SEMA3C: variants seen among roughly 807,000 people sequenced by gnomAD.
The protein encoded by SEMA3C is semaphorin-3C.
In SEMA3C, 47 loss-of-function variants were observed where a neutral mutation model predicts 89.4. The observed-to-expected ratio is 0.53, with a 90% CI of 0.42 to 0.67. SEMA3C has a LOEUF of 0.67. Among genes scored for constraint, SEMA3C ranks in the 30% least tolerant of loss-of-function variants. The pLI is 0.00. For missense variants in SEMA3C, 839 were observed against 929.1 expected (o/e 0.90, Z 1.26); for synonymous variants, 310 against 320.2 (o/e 0.97, Z 0.34).
intron 4 of SEMA3C, among the ~76,000 whole-genome samples, chr7:80,824,032 A>G (rs1191488675): frequency 2.0e-5 from 3 of 152,180 alleles, no homozygotes; most frequent in African/African-American, 7.2e-5. Context: ...ATGCTGTATT[A>G]CTACCTAAGA....
intron 2 of SEMA3C, among the ~76,000 whole-genome samples, chr7:80,890,775 G>T (rs926825546): frequency 2.0e-5 from 3 of 152,150 alleles, no homozygotes; most frequent in Admixed American, 6.5e-5. Flanking sequence ...GATATTATTT[G>T]CATATTATCA....
At position 80,792,375 on chromosome 7, in the gene SEMA3C, A is replaced by G. The variant is rs116750318; in HGVS notation, c.1132-2847T>C. 2.8e-3 allele frequency among the ~76,000 whole-genome samples: 422 copies of G among 152,376 alleles called. 4 individuals carry two copies. Among genetic ancestry groups the G allele is most frequent in the African/African-American group, 9.6e-3 (398 of 41,594 alleles). On this transcript the variant is annotated intron_variant, in intron 11 of 17. Transcript: ENST00000265361. ...GTAATTTAAATAGTTCCAGAACTTTATAAAACACCGCTAATGATGGCTTGC... is the reference window on the plus strand; with the variant it reads ...GTAATTTAAATAGTTCCAGAACTTTGTAAAACACCGCTAATGATGGCTTGC...
intron 2 of SEMA3C, among the ~76,000 whole-genome samples, chr7:80,857,682 C>T (rs1790673271): frequency 6.6e-6 from 1 of 152,080 alleles, no homozygotes; most frequent in Non-Finnish European, 1.5e-5. Flanking sequence ...GCACAGTCAG[C>T]TATTTCATTT....
At chr7:80,819,171 C>T (rs890798336) in intron 4 of SEMA3C, among the ~76,000 whole-genome samples, 1 of 152,158 alleles carries the variant, frequency 6.6e-6, no homozygotes, top group East Asian at 1.9e-4. Context: ...CTTTGCTATA[C>T]ATTTTCCTTT....
chr7:80,831,587 G>C (rs964951279), intron 2 of SEMA3C, among the ~76,000 whole-genome samples: 1 of 151,992 alleles, frequency 6.6e-6, no homozygotes, highest in Non-Finnish European at 1.5e-5. Flanking sequence ...AATTAATCAG[G>C]AGAACACAAT....
chr7:80,803,927 C>A (rs905796644), intron 8 of SEMA3C, among the ~76,000 whole-genome samples, 179 bp downstream of exon 8: 2 of 151,680 alleles, frequency 1.3e-5, no homozygotes, highest in African/African-American at 4.8e-5. Context: ...GGGTTATAAA[C>A]ACTATATTCA....
chr7:80,768,083 A>T (rs1788343509), intron 12 of SEMA3C, among the ~76,000 whole-genome samples: 1 of 152,246 alleles, frequency 6.6e-6, no homozygotes, highest in Non-Finnish European at 1.5e-5. Context: ...GAAGTTGCAA[A>T]GCATACTCTG....
chr7:80,890,932 T>A lies in SEMA3C; in HGVS notation c.103+25747A>T, dbSNP rs182760497. Among the ~76,000 whole-genome samples, 25 of 152,290 alleles carry A rather than the reference T, an allele frequency of 1.6e-4. 2 individuals are homozygous for A. In the East Asian group the frequency reaches 4.6e-3, roughly 28 times the overall value. On this transcript the variant is annotated intron_variant, in intron 2 of 17. Coordinates refer to ENST00000265361, the MANE Select transcript of SEMA3C (RefSeq NM_006379.5). ...ATATGCACATGTTATCTGCATGTCC[T>A]CTGACCTCCCTGTACTAATAAGATT...
At chr7:80,801,816 A>G (rs975340965) in intron 9 of SEMA3C, among the ~76,000 whole-genome samples, 14 of 152,258 alleles carry the variant, frequency 9.2e-5, no homozygotes, top group Admixed American at 7.2e-4. Flanking sequence ...TCACAAAATG[A>G]TACTTAGAAC....
intron 2 of SEMA3C, among the ~76,000 whole-genome samples, chr7:80,851,736 C>T (rs548291798): frequency 3.3e-5 from 5 of 151,128 alleles, no homozygotes; most frequent in Non-Finnish European, 5.9e-5. Context: ...ACGTAGACAG[C>T]GATAGGCAGT....
intron 2 of SEMA3C, among the ~76,000 whole-genome samples, chr7:80,831,425 G>T (rs1489341701): frequency 6.6e-6 from 1 of 152,076 alleles, no homozygotes; most frequent in Non-Finnish European, 1.5e-5. Context: ...TGGTTACATG[G>T]GTTACCTATT....
intron 2 of SEMA3C, among the ~76,000 whole-genome samples, chr7:80,860,311 A>G (rs1399661463): frequency 6.6e-6 from 1 of 152,136 alleles, no homozygotes; most frequent in African/African-American, 2.4e-5. Context: ...CTAATGGCCA[A>G]CTATTTTTGA....
intron 2 of SEMA3C, among the ~76,000 whole-genome samples, chr7:80,866,283 C>G (rs914131242): frequency 6.6e-6 from 1 of 152,030 alleles, no homozygotes; most frequent in Non-Finnish European, 1.5e-5. Flanking sequence ...GACAAACTAT[C>G]TTCTGAGGGG....
chr7:80,853,627 T>G (rs557448430), intron 2 of SEMA3C, among the ~76,000 whole-genome samples: 3 of 152,068 alleles, frequency 2.0e-5, no homozygotes, highest in African/African-American at 7.2e-5. Context: ...GGGAGGGTAG[T>G]GGCAGGAGGG....
At position 80,766,795 on chromosome 7, in the gene SEMA3C, G is replaced by T. The variant is rs1003516438; in HGVS notation, c.1355-1552C>A. Among the ~76,000 whole-genome samples, 6 of 152,302 alleles carry T rather than the reference G, an allele frequency of 3.9e-5. No individual in the cohort carries two copies. In the South Asian group the frequency reaches 1.2e-3, roughly 32 times the overall value. ...GAGCTGAGTGAGTGAGCTCAAGCAT[G>T]TCCATTAACAGGCAAAATGGGAGAG... On this transcript the variant is annotated intron_variant, in intron 12 of 17. Transcript: ENST00000265361.
At chr7:80,828,037 A>AT (rs574830637) in intron 3 of SEMA3C, among the ~76,000 whole-genome samples, 142 of 151,998 alleles carry the variant, frequency 9.3e-4, no homozygotes, top group Non-Finnish European at 1.6e-3. Context: ...ATAATCATTA[A>AT]TTTTTTTTAG....
chr7:80,789,771 G>A (rs924280921), intron 11 of SEMA3C, among the ~76,000 whole-genome samples: 4 of 152,156 alleles, frequency 2.6e-5, no homozygotes, highest in Admixed American at 6.6e-5. Flanking sequence ...GAGAAGAGCT[G>A]ATGCCATCTT....
chr7:80,904,090 G>C (rs1562978552), intron 2 of SEMA3C, among the ~76,000 whole-genome samples: 1 of 152,164 alleles, frequency 6.6e-6, no homozygotes, highest in Non-Finnish European at 1.5e-5. Flanking sequence ...GTCCAGGCTA[G>C]AGTGCAGTAG....
intron 2 of SEMA3C, among the ~76,000 whole-genome samples, chr7:80,901,469 C>G (rs569667437): frequency 6.6e-6 from 1 of 152,306 alleles, no homozygotes; most frequent in Non-Finnish European, 1.5e-5. Flanking sequence ...CAACTATATC[C>G]TAAGCATTTC....
Sources: gnomAD v4.1 joint callset for allele counts (sites outside exome capture counted in the v4.1 genomes callset) on GRCh38, gnomAD v4.1.1 for gene constraint, MANE v1.5 for transcripts, NCBI Gene and HGNC (gene_info 2026-07-23, HGNC 2026-07-21) for gene names.